Variants in CDH12 observed in about 807,000 individuals in gnomAD.
CDH12 encodes cadherin 12.
In CDH12, 41 loss-of-function variants were observed where a neutral mutation model predicts 74.1. The observed-to-expected ratio is 0.55, with a 90% CI of 0.43 to 0.72. CDH12 has a LOEUF of 0.72. Among genes scored for constraint, CDH12 ranks in the 30% least tolerant of loss-of-function variants. CDH12 has a pLI of 0.00. For synonymous variants in CDH12, 399 were observed against 355.0 expected, an observed-to-expected ratio of 1.12 and a Z score of -1.39; for missense variants, 945 against 977.2, an observed-to-expected ratio of 0.97 and a Z score of 0.44.
At chr5:22,378,662 A>G (rs1163498878) in intron 3 of CDH12, among the ~76,000 whole-genome samples, 1 of 152,090 alleles carries the variant, frequency 6.6e-6, no homozygotes, top group African/African-American at 2.4e-5. Flanking sequence ...ATTTAATTCT[A>G]TTGAGTTGTG....
intron 4 of CDH12, among the ~76,000 whole-genome samples, chr5:22,136,596 T>C (rs1303476223): frequency 7.9e-5 from 12 of 151,314 alleles, no homozygotes; most frequent in South Asian, 2.1e-4. Context: ...TCCTCAATTA[T>C]ATATACATTA....
rs748798889 is a variant in CDH12 at position 22,641,945 on chromosome 5, G to A, written c.-522-136581C>T. Among the ~76,000 whole-genome samples the A allele has an allele frequency of 3.3e-4, 50 of 152,112 alleles. 1 individual carries two copies. Among genetic ancestry groups the A allele is most frequent in the Non-Finnish European group, 8.8e-5 (6 of 68,014 alleles). Reference sequence around the variant, plus strand: ...GTTTATATAGCAATTTCCCCTGCTAGGCTGGGAACAAATGTGGCCTCCATT... The same window carrying A: ...GTTTATATAGCAATTTCCCCTGCTAAGCTGGGAACAAATGTGGCCTCCATT... On this transcript the variant is annotated intron_variant, in intron 1 of 14. Coordinates refer to ENST00000382254, the MANE Select transcript of CDH12 (RefSeq NM_004061.5).
At chr5:21,908,750 C>T (rs1045576618) in intron 6 of CDH12, among the ~76,000 whole-genome samples, 1 of 152,134 alleles carries the variant, frequency 6.6e-6, no homozygotes, top group Non-Finnish European at 1.5e-5. Context: ...ATCTTCAATA[C>T]AGTGTCACTC....
rs531098013 is a variant in CDH12 at position 21,979,790 on chromosome 5, T to TAAACCC, written c.232-4406_232-4405insGGGTTT. On this transcript the variant is annotated intron_variant, in intron 5 of 14. Transcript: ENST00000382254. ...ATACTACTACTAACCCACATGTGGA[T>TAAACCC]ATATGTGTTTTTTACATGAGTAAAA... Among the ~76,000 whole-genome samples the TAAACCC allele has an allele frequency of 3.9e-3, 599 of 152,026 alleles. 4 individuals are homozygous for TAAACCC. The highest frequency in any genetic ancestry group is 0.014 in the African/African-American group (561 of 41,456).
chr5:22,544,437 A>G (rs1393345328), intron 1 of CDH12, among the ~76,000 whole-genome samples: 2 of 152,168 alleles, frequency 1.3e-5, no homozygotes, highest in African/African-American at 4.8e-5. Flanking sequence ...CATATGTTCA[A>G]AATCATTCTG....
At chr5:22,732,025 G>C (rs1178876214) in intron 1 of CDH12, among the ~76,000 whole-genome samples, 1 of 151,786 alleles carries the variant, frequency 6.6e-6, no homozygotes, top group African/African-American at 2.4e-5. Flanking sequence ...CCCAAACTTC[G>C]TATGCTGAAG....
chr5:22,266,950 C>T (rs1383360599), intron 3 of CDH12, among the ~76,000 whole-genome samples: 1 of 152,062 alleles, frequency 6.6e-6, no homozygotes, highest in African/African-American at 2.4e-5. Context: ...ACAGAGTAAA[C>T]CATCTCTACA....
chr5:22,074,645 C>T (rs1281609280), intron 5 of CDH12, among the ~76,000 whole-genome samples: 5 of 152,016 alleles, frequency 3.3e-5, no homozygotes, highest in East Asian at 1.9e-4. Context: ...AAAAAGTGGG[C>T]GAAGGATATG....
chr5:22,610,050 G>C (rs1737318855), intron 1 of CDH12, among the ~76,000 whole-genome samples: 1 of 152,220 alleles, frequency 6.6e-6, no homozygotes, highest in African/African-American at 2.4e-5. Context: ...AACTACAACT[G>C]CAAACACTCC....
intron 6 of CDH12, among the ~76,000 whole-genome samples, chr5:21,973,669 G>A (rs755095064): frequency 7.2e-5 from 11 of 152,124 alleles, no homozygotes; most frequent in Non-Finnish European, 7.4e-5. Context: ...AACACATCCA[G>A]TGTACATGAA....
intron 1 of CDH12, among the ~76,000 whole-genome samples, chr5:22,630,942 CA>C (rs1362220743): frequency 6.6e-6 from 1 of 151,478 alleles, no homozygotes; most frequent in Non-Finnish European, 1.5e-5. Flanking sequence ...AATTAGCAAG[CA>C]AAAAAACAAA....
intron 1 of CDH12, among the ~76,000 whole-genome samples, chr5:22,777,617 C>T (rs540608757): frequency 2.6e-5 from 4 of 150,986 alleles, no homozygotes; most frequent in South Asian, 2.1e-4. Context: ...TGTGTGTGTG[C>T]GCTTGTGTGT....
At chr5:22,448,841 T>C (rs547998375) in intron 2 of CDH12, among the ~76,000 whole-genome samples, 2 of 152,136 alleles carry the variant, frequency 1.3e-5, no homozygotes, top group African/African-American at 4.8e-5. Context: ...CTTTTGCTAC[T>C]GGGCAACAAT....
Position 22,752,256 on chromosome 5 carries a change from T to G in CDH12, c.-523+100802A>C, listed in dbSNP as rs116337419. Among the ~76,000 whole-genome samples the G allele has an allele frequency of 4.6e-3, 695 of 152,180 alleles. 3 individuals are homozygous for G. The highest frequency in any genetic ancestry group is 0.016 in the African/African-American group (670 of 41,504). The stretch of plus-strand genomic sequence containing the variant: ...AACCCACAGAGATTTTTTAAAACAT[T>G]TTTAATATGGAAAAATTATAAGAAA... On this transcript the variant is annotated intron_variant, in intron 1 of 14. Transcript: ENST00000382254.
intron 4 of CDH12, among the ~76,000 whole-genome samples, chr5:22,172,112 T>A (rs1749066714): frequency 6.6e-6 from 1 of 151,872 alleles, no homozygotes; most frequent in Non-Finnish European, 1.5e-5. Flanking sequence ...AGTTATAGCA[T>A]CTGGGAAAAA....
At chr5:21,958,612 G>A (rs1440220583) in intron 6 of CDH12, among the ~76,000 whole-genome samples, 1 of 151,960 alleles carries the variant, frequency 6.6e-6, no homozygotes, top group Non-Finnish European at 1.5e-5. Context: ...ATAGCTGTGT[G>A]GCTTTATTTC....
At chr5:22,283,228 ATATATATAT>A (rs1736978757) in intron 3 of CDH12, among the ~76,000 whole-genome samples, 3 of 48,196 alleles carry the variant, frequency 6.2e-5, no homozygotes, top group African/African-American at 2.1e-4. Context: ...ATATATATAT[ATATATATAT>A]ATATATATAT....
At chr5:21,852,479 T>C (rs1193172199) in intron 7 of CDH12, among the ~76,000 whole-genome samples, 1 of 151,400 alleles carries the variant, frequency 6.6e-6, no homozygotes, top group Non-Finnish European at 1.5e-5. Context: ...GGGAAGAGTA[T>C]GTTTTTTGGT....
At chr5:22,369,803 A>C (rs1298943253) in intron 3 of CDH12, among the ~76,000 whole-genome samples, 1 of 152,208 alleles carries the variant, frequency 6.6e-6, no homozygotes, top group Non-Finnish European at 1.5e-5. Context: ...GCTATTTTTA[A>C]ACACTCAAAA....
Sources: gnomAD v4.1 joint callset for allele counts (sites outside exome capture counted in the v4.1 genomes callset) on GRCh38, gnomAD v4.1.1 for gene constraint, MANE v1.5 for transcripts, NCBI Gene and HGNC (gene_info 2026-07-23, HGNC 2026-07-21) for gene names.